Variants in UBE3B observed in about 807,000 individuals in gnomAD.
UBE3B encodes the protein ubiquitin-protein ligase E3B.
A neutral mutation model predicts 132.3 loss-of-function variants in UBE3B; 80 were observed. The observed-to-expected ratio is 0.60, with a 90% CI of 0.50 to 0.73. The LOEUF (loss-of-function observed/expected upper bound fraction) is 0.73, where lower values mean the gene tolerates loss of function less well. Among genes scored for constraint, UBE3B ranks in the 30% least tolerant of loss-of-function variants. UBE3B has a pLI of 0.00. For synonymous variants in UBE3B, 487 were observed against 520.4 expected (o/e 0.94, Z 0.87); for missense variants, 1,196 against 1,362.5 (o/e 0.88, Z 1.92).
chr12:109,540,628 C>A (rs182446252), downstream of UBE3B, among the ~76,000 whole-genome samples: 1 of 152,356 alleles, frequency 6.6e-6, no homozygotes, highest in Non-Finnish European at 1.5e-5. Context: ...CGGAATGGCA[C>A]ATGGATGTTT....
chr12:109,517,670 C>A (rs1881227804), intron 19 of UBE3B, among the ~76,000 whole-genome samples: 1 of 152,230 alleles, frequency 6.6e-6, no homozygotes, highest in South Asian at 2.1e-4. Flanking sequence ...CCACAGTCCC[C>A]ATTCCCTGGA....
At position 109,507,597 on chromosome 12, in the gene UBE3B, T is replaced by G. The variant is rs780883789; in HGVS notation, c.1484T>G (p.Leu495Arg). 1.9e-6 allele frequency: 3 copies of G among 1,614,088 alleles called. No homozygotes were observed. The highest frequency in any genetic ancestry group is 2.2e-5 in the South Asian group (2 of 91,062). ...TACCTTGATGACCTGCTTCCCAAAC[T>G]GTGGGCATTTATCTGTGAGCTCGGG... The part of the protein sequence containing the change: ...LTYLDDLLPK[L>R]WAFICELGPH... The change falls in exon 15 of 28, where the codon CTG becomes CGG. Residue 495 changes from leucine (L) to arginine (R), a missense_variant. Coordinates refer to ENST00000342494, the MANE Select transcript of UBE3B (RefSeq NM_130466.4).
Position 109,498,312 on chromosome 12 carries a change from T to C in UBE3B, c.899T>C (p.Val300Ala). 6.2e-7 allele frequency: 1 copy of C among 1,614,116 alleles called. No individual in the cohort carries two copies. The highest frequency in any genetic ancestry group is 2.2e-5 in the East Asian group (1 of 44,880). The change falls in exon 11 of 28, where the codon GTA (valine) becomes GCA (alanine). Residue 300 changes from valine to alanine, a missense_variant. Val to Ala is a moderately conservative substitution (Grantham distance 64). Coordinates refer to ENST00000342494, the MANE Select transcript of UBE3B (RefSeq NM_130466.4). ...FLRDQDRCRD[V>A]CESLEGCHTL... ...AGAGACCAAGATCGATGCCGTGATG[T>C]ATGTGAAAGTTTAGAAGGATGCCAT...
chr12:109,483,737 C>T, intron 3 of UBE3B, 25 bp downstream of exon 3: 2 of 1,577,174 alleles, frequency 1.3e-6, no homozygotes, highest in Non-Finnish European at 1.7e-6. Flanking sequence ...CTCCCTAGCA[C>T]ATGATTCTCT....
chr12:109,498,462 G>T, intron 11 of UBE3B, 109 bp downstream of exon 11: 2 of 1,299,356 alleles, frequency 1.5e-6, no homozygotes, highest in South Asian at 2.9e-5. Flanking sequence ...ACAATTGGAA[G>T]TGCTTACAAT....
chr12:109,502,070 T>C (rs1181351232), intron 13 of UBE3B, among the ~76,000 whole-genome samples: 1 of 151,990 alleles, frequency 6.6e-6, no homozygotes, highest in African/African-American at 2.4e-5. Flanking sequence ...GAAATAGAAA[T>C]AGGTGAACAC....
At chr12:109,490,431 G>A (rs1877271778) in intron 8 of UBE3B, 11 of 1,533,240 alleles carry the variant, frequency 7.2e-6, no homozygotes, top group African/African-American at 1.4e-5. Context: ...CTGTTTAAAG[G>A]TACAATGGAA....
the UBE3B span, among the ~76,000 whole-genome samples, chr12:109,543,318 A>G: frequency 1.3e-5 from 2 of 152,222 alleles, no homozygotes; most frequent in African/African-American, 4.8e-5. Context: ...ACCTGTCACC[A>G]GGTGCCAGAA....
At position 109,524,635 on chromosome 12, in the gene UBE3B, C is replaced by T. The variant is rs1235874969; in HGVS notation, c.2568+132C>T. ...CTGGTCCCTTGTCCTCCCCACCCCT[C>T]GCCCATCCTCCTCCCCTCTTGCCAG... On this transcript the variant is annotated intron_variant, in intron 23 of 27. Transcript: ENST00000342494. 13 of 952,252 alleles carry T rather than the reference C, an allele frequency of 1.4e-5. No homozygotes were observed. The East Asian group carries it at 3.2e-4, about 23-fold the overall frequency. 59.0% of individuals were successfully genotyped at this position (952,252 alleles called of 1,614,324 possible).
downstream of UBE3B, among the ~76,000 whole-genome samples, chr12:109,541,277 C>G (rs1029081797): frequency 7.9e-5 from 12 of 152,208 alleles, no homozygotes; most frequent in Non-Finnish European, 1.0e-4. Flanking sequence ...AGCAGTGACC[C>G]AGGCCGGTGA....
intron 9 of UBE3B, among the ~76,000 whole-genome samples, 170 bp from the exon 10 acceptor site, chr12:109,497,648 A>G (rs1878400361): frequency 6.6e-6 from 1 of 152,200 alleles, no homozygotes; most frequent in Admixed American, 6.5e-5. Context: ...CAACTGGACC[A>G]TCACTGACTT....
At chr12:109,498,621 A>C (rs1878540086) in intron 11 of UBE3B, among the ~76,000 whole-genome samples, 1 of 152,148 alleles carries the variant, frequency 6.6e-6, no homozygotes, top group African/African-American at 2.4e-5. Context: ...AGAAAGTGAA[A>C]ATGTGGTGAA....
chr12:109,529,073 A>C (rs1447837989), intron 24 of UBE3B, among the ~76,000 whole-genome samples: 1 of 152,196 alleles, frequency 6.6e-6, no homozygotes, highest in Non-Finnish European at 1.5e-5. Context: ...AGGCAGGAGA[A>C]TCGCTTGAAC....
At chr12:109,486,411 G>C (rs1876431944) in intron 5 of UBE3B, 60 bp from the exon 6 acceptor site, 1 of 1,377,866 alleles carries the variant, frequency 7.3e-7, no homozygotes, top group Admixed American at 2.0e-5. Flanking sequence ...CCAACAGTTA[G>C]AGCACAAGTG....
intron 26 of UBE3B, among the ~76,000 whole-genome samples, chr12:109,533,030 C>T (rs1043666485): frequency 5.3e-5 from 8 of 152,294 alleles, no homozygotes; most frequent in African/African-American, 1.9e-4. Flanking sequence ...GCAGTGGGTG[C>T]CACCAGCCTC....
At chr12:109,519,276 A>G (rs545951376) in intron 19 of UBE3B, among the ~76,000 whole-genome samples, 1 of 152,342 alleles carries the variant, frequency 6.6e-6, no homozygotes, top group African/African-American at 2.4e-5. Flanking sequence ...CTGTGTGTGC[A>G]TGTTGAGATG....
At chr12:109,524,654 T>C in intron 23 of UBE3B, 151 bp downstream of exon 23, 1 of 803,406 alleles carries the variant, frequency 1.2e-6, no homozygotes, top group Non-Finnish European at 1.9e-6. Context: ...TCCTCCCCTC[T>C]TGCCAGGAGG....
At chr12:109,490,464 T>C in intron 8 of UBE3B, 1 of 1,535,300 alleles carries the variant, frequency 6.5e-7, no homozygotes, top group Non-Finnish European at 8.7e-7. Context: ...AGAAGTAATG[T>C]TGACTTTGCC....
intron 7 of UBE3B, among the ~76,000 whole-genome samples, chr12:109,489,284 G>A (rs550761138): frequency 2.0e-5 from 3 of 152,318 alleles, no homozygotes; most frequent in African/African-American, 7.2e-5. Context: ...CAATAATGTG[G>A]TAAGTGCTTG....
Sources: gnomAD v4.1 joint callset for allele counts (sites outside exome capture counted in the v4.1 genomes callset) on GRCh38, gnomAD v4.1.1 for gene constraint, MANE v1.5 for transcripts, NCBI Gene and HGNC (gene_info 2026-07-23, HGNC 2026-07-21) for gene names.